The following CDH9 variants were observed in gnomAD, a reference collection of about 807,000 sequenced individuals.
CDH9 encodes the protein cadherin-9.
In CDH9, 28 loss-of-function variants were observed where a neutral mutation model predicts 70.9. The ratio of observed to expected loss-of-function variants is 0.40; its 90% CI spans 0.29 to 0.54. The LOEUF (loss-of-function observed/expected upper bound fraction) is 0.54. Among genes scored for constraint, CDH9 ranks in the 20% least tolerant of loss-of-function variants. The pLI, the probability that CDH9 is intolerant of heterozygous loss-of-function variation, is 0.59. For synonymous variants in CDH9, 409 were observed against 343.1 expected (o/e 1.19, Z -2.12); for missense variants, 874 against 984.4 (o/e 0.89, Z 1.50).
intron 2 of CDH9, among the ~76,000 whole-genome samples, chr5:26,966,458 T>C (rs1742131291): frequency 6.6e-6 from 1 of 152,220 alleles, no homozygotes; most frequent in Non-Finnish European, 1.5e-5. Flanking sequence ...ACCCAATCTC[T>C]TGTAATTATA....
chr5:26,960,915 C>G (rs1410750657), intron 2 of CDH9, among the ~76,000 whole-genome samples: 1 of 151,976 alleles, frequency 6.6e-6, no homozygotes, highest in Non-Finnish European at 1.5e-5. Context: ...ACTACTAAAT[C>G]TTTTGTAAAG....
intron 2 of CDH9, among the ~76,000 whole-genome samples, chr5:26,918,965 C>G (rs990174381): frequency 3.3e-5 from 5 of 152,094 alleles, no homozygotes; most frequent in African/African-American, 1.2e-4. Context: ...AATAAAACAT[C>G]TGAGTTTAAC....
chr5:26,938,624 C>T (rs1044581538), intron 2 of CDH9, among the ~76,000 whole-genome samples: 7 of 152,016 alleles, frequency 4.6e-5, no homozygotes, highest in Non-Finnish European at 8.8e-5. Flanking sequence ...GTGCATTCTT[C>T]GGCATTTGCA....
chr5:26,896,921 G>C (rs1740761895), intron 7 of CDH9, among the ~76,000 whole-genome samples: 1 of 151,826 alleles, frequency 6.6e-6, no homozygotes, highest in Non-Finnish European at 1.5e-5. Flanking sequence ...TGGACCACTT[G>C]CCAGACTAAT....
chr5:26,891,063 C>G (rs1352958956), intron 7 of CDH9, among the ~76,000 whole-genome samples: 1 of 152,120 alleles, frequency 6.6e-6, no homozygotes, highest in Non-Finnish European at 1.5e-5. Context: ...GAATCAAGGT[C>G]TTTCTCTACT....
At chr5:26,948,786 G>T (rs1241713963) in intron 2 of CDH9, among the ~76,000 whole-genome samples, 1 of 152,122 alleles carries the variant, frequency 6.6e-6, no homozygotes, top group African/African-American at 2.4e-5. Flanking sequence ...TTGACAATGG[G>T]TGACAAAAAA....
chr5:26,970,545 C>T (rs541721733), intron 2 of CDH9, among the ~76,000 whole-genome samples: 1 of 152,012 alleles, frequency 6.6e-6, no homozygotes, highest in South Asian at 2.1e-4. Flanking sequence ...CATGATCAAG[C>T]TTTTTTGTTC....
At chr5:27,027,189 T>A (rs1262958102) in intron 1 of CDH9, among the ~76,000 whole-genome samples, 1 of 152,064 alleles carries the variant, frequency 6.6e-6, no homozygotes, top group Non-Finnish European at 1.5e-5. Context: ...GTTCTATCTA[T>A]GATATTGAGT....
chr5:26,914,150 T>A lies in CDH9; in HGVS notation c.523+1480A>T, dbSNP rs180973634. Among the ~76,000 whole-genome samples the A allele has an allele frequency of 3.1e-3, 476 of 152,136 alleles. 1 individual carries two copies. Among genetic ancestry groups the A allele is most frequent in the African/African-American group, 0.011 (460 of 41,552 alleles). On this transcript the variant is annotated intron_variant, in intron 3 of 11. Transcript: ENST00000231021. ...TTTACTTTTCTAGGTATGTCAAATC[T>A]TTCTGGGGAAGGATAAGTGAAAGTT...
intron 1 of CDH9, among the ~76,000 whole-genome samples, chr5:27,018,041 G>A (rs1297780810): frequency 3.3e-5 from 5 of 151,640 alleles, no homozygotes; most frequent in African/African-American, 7.3e-5. Flanking sequence ...AAAAACAAGT[G>A]TTGGTTCTAA....
At chr5:26,965,077 T>C (rs1742106419) in intron 2 of CDH9, among the ~76,000 whole-genome samples, 1 of 152,112 alleles carries the variant, frequency 6.6e-6, no homozygotes. Context: ...CTCTTACTGA[T>C]TTTACAAGGG....
intron 2 of CDH9, among the ~76,000 whole-genome samples, chr5:26,923,365 A>G (rs1469593425): frequency 6.6e-6 from 1 of 151,938 alleles, no homozygotes; most frequent in East Asian, 1.9e-4. Context: ...GCAAGAAGAT[A>G]TAACAATTGT....
intron 2 of CDH9, among the ~76,000 whole-genome samples, chr5:26,987,117 T>A (rs1742502123): frequency 6.9e-6 from 1 of 144,382 alleles, no homozygotes; most frequent in Admixed American, 7.0e-5. Context: ...TTTTTTTCAT[T>A]TTTGGCCTGA....
intron 1 of CDH9, among the ~76,000 whole-genome samples, chr5:27,035,370 C>A (rs1214624704): frequency 1.3e-5 from 2 of 151,348 alleles, no homozygotes; most frequent in Admixed American, 6.6e-5. Flanking sequence ...TTTGTAAAGA[C>A]AACTTGTTTC....
intron 1 of CDH9, among the ~76,000 whole-genome samples, chr5:27,016,661 C>A (rs918224153): frequency 6.6e-6 from 1 of 151,446 alleles, no homozygotes; most frequent in Admixed American, 6.6e-5. Flanking sequence ...AATTTAAAAC[C>A]GATATGCAAA....
chr5:26,982,918 C>T (rs1286870043), intron 2 of CDH9, among the ~76,000 whole-genome samples: 1 of 151,882 alleles, frequency 6.6e-6, no homozygotes, highest in African/African-American at 2.4e-5. Context: ...AACTCCTGAC[C>T]TCGTGATTTA....
intron 2 of CDH9, among the ~76,000 whole-genome samples, chr5:26,930,637 G>T (rs1490324968): frequency 6.6e-6 from 1 of 152,080 alleles, no homozygotes; most frequent in Non-Finnish European, 1.5e-5. Context: ...TGGTGGTAGT[G>T]ATGTAACTGT....
At chr5:27,001,037 T>C (rs1561035631) in intron 1 of CDH9, among the ~76,000 whole-genome samples, 1 of 152,112 alleles carries the variant, frequency 6.6e-6, no homozygotes, top group Non-Finnish European at 1.5e-5. Context: ...CAATGGTAGA[T>C]ACATGACATT....
chr5:26,900,656 T>A (rs1048890638), intron 7 of CDH9, among the ~76,000 whole-genome samples: 1 of 152,228 alleles, frequency 6.6e-6, no homozygotes, highest in Non-Finnish European at 1.5e-5. Flanking sequence ...TGATATGATG[T>A]CATTGTTTAC....
Sources: gnomAD v4.1 joint callset for allele counts (sites outside exome capture counted in the v4.1 genomes callset) on GRCh38, gnomAD v4.1.1 for gene constraint, MANE v1.5 for transcripts, NCBI Gene and HGNC (gene_info 2026-07-23, HGNC 2026-07-21) for gene names.